AKAP12: variants seen among roughly 807,000 people sequenced by gnomAD.
The protein encoded by AKAP12 is A-kinase anchoring protein 12.
A neutral mutation model predicts 79.9 loss-of-function variants in AKAP12; 32 were observed. The observed-to-expected ratio is 0.40, with a 90% confidence interval of 0.30 to 0.54. AKAP12 has a LOEUF of 0.54. Among genes scored for constraint, AKAP12 ranks in the 20% least tolerant of loss-of-function variants. The pLI is 0.48. For missense variants in AKAP12, 2,074 were observed against 2,177.0 expected (o/e 0.95, Z 0.94); for synonymous variants, 808 against 857.0 (o/e 0.94, Z 1.00).
intron 2 of AKAP12, among the ~76,000 whole-genome samples, chr6:151,253,575 C>G (rs928790248): frequency 3.3e-5 from 5 of 152,162 alleles, no homozygotes; most frequent in African/African-American, 1.2e-4. Flanking sequence ...ATAGAAACTT[C>G]AACCTTAGGT....
chr6:151,307,120 T>C (rs1776992697), intron 3 of AKAP12, among the ~76,000 whole-genome samples: 1 of 152,056 alleles, frequency 6.6e-6, no homozygotes, highest in African/African-American at 2.4e-5. Flanking sequence ...GGAGGCTGGA[T>C]TTAGATGTGT....
intron 2 of AKAP12, among the ~76,000 whole-genome samples, chr6:151,291,020 C>T (rs1023692693): frequency 3.3e-5 from 5 of 152,328 alleles, no homozygotes; most frequent in African/African-American, 1.2e-4. Context: ...GAAACTCCCC[C>T]TCTCTGCACA....
Position 151,352,263 on chromosome 6 carries a change from G to T in AKAP12, c.3872G>T (p.Gly1291Val), listed in dbSNP as rs1427902553. 2 of 1,614,180 alleles carry T rather than the reference G, an allele frequency of 1.2e-6. No individual in the cohort carries two copies. Among genetic ancestry groups the T allele is most frequent in the Non-Finnish European group, 1.7e-6 (2 of 1,180,036 alleles). Reference protein sequence around the residue: ...FEGLEGSIDTGITVSREKVTE... With the variant: ...FEGLEGSIDTVITVSREKVTE... ...GGACTTGAGGGGTCTATAGACACAGGCATAACAGTCAGTCGGGAAAAGGTC... is the reference window on the plus strand; with the variant it reads ...GGACTTGAGGGGTCTATAGACACAGTCATAACAGTCAGTCGGGAAAAGGTC... The change falls in exon 4 of 5, where the codon GGC becomes GTC. Residue 1291 changes from glycine (G) to valine (V), a missense_variant. By Grantham distance (109) the Gly-to-Val change is moderately radical (BLOSUM62 -3). Transcript: ENST00000402676.
Position 151,352,954 on chromosome 6 carries a change from C to T in AKAP12, c.4563C>T (p.Cys1521=). 1 of 1,602,910 alleles carries T rather than the reference C, an allele frequency of 6.2e-7. No individual in the cohort carries two copies. The highest frequency in any genetic ancestry group is 8.5e-7 in the Non-Finnish European group (1 of 1,177,276). The part of the protein sequence containing the change: ...KSDEVDEQVA[C]QEVKVSVAIE... ...ATGAAGTCGATGAGCAGGTTGCTTG[C>T]CAGGAGGTCAAAGTGAGTGTAGCAA... The change falls in exon 4 of 5, where the codon TGC becomes TGT. Residue 1521 remains cysteine, a synonymous_variant. Transcript: ENST00000402676.
intron 2 of AKAP12, among the ~76,000 whole-genome samples, chr6:151,246,749 T>C (rs977247405): frequency 3.3e-5 from 5 of 152,314 alleles, no homozygotes; most frequent in Admixed American, 3.3e-4. Context: ...TCATTTTCAT[T>C]TAACTTTAAT....
chr6:151,295,345 C>G (rs1056834606), intron 2 of AKAP12, among the ~76,000 whole-genome samples: 3 of 152,166 alleles, frequency 2.0e-5, no homozygotes, highest in Non-Finnish European at 4.4e-5. Flanking sequence ...CATTCTTTCT[C>G]ATGTCTAAAG....
chr6:151,342,734 T>TATTGTTAAGCTGTACTGAACTATCA (rs1295517051), intron 3 of AKAP12, among the ~76,000 whole-genome samples: 2 of 152,192 alleles, frequency 1.3e-5, no homozygotes, highest in Non-Finnish European at 2.9e-5. Flanking sequence ...AGCATTTGAT[T>TATTGTTAAGCTGTACTGAACTATCA]ATTGTTAAGC....
chr6:151,304,417 A>G (rs1031890459), intron 2 of AKAP12, among the ~76,000 whole-genome samples: 5 of 132,482 alleles, frequency 3.8e-5, no homozygotes, highest in African/African-American at 1.4e-4. Context: ...TGAACCTGGG[A>G]ACTGGAGGTT....
chr6:151,326,756 G>T (rs1409879160), intron 3 of AKAP12, among the ~76,000 whole-genome samples: 3 of 152,030 alleles, frequency 2.0e-5, no homozygotes, highest in East Asian at 3.8e-4. Context: ...TATAGGAACA[G>T]GACTTCTTTA....
At chr6:151,295,079 A>G (rs1002572696) in intron 2 of AKAP12, among the ~76,000 whole-genome samples, 5 of 152,222 alleles carry the variant, frequency 3.3e-5, no homozygotes, top group African/African-American at 1.2e-4. Flanking sequence ...TGGTGTTGAT[A>G]CACGCAGTAT....
chr6:151,256,376 A>G (rs2114691810), intron 2 of AKAP12, among the ~76,000 whole-genome samples: 1 of 152,310 alleles, frequency 6.6e-6, no homozygotes, highest in Non-Finnish European at 1.5e-5. Context: ...AGCAATTCAG[A>G]AGGCTTTAGT....
At chr6:151,290,466 C>T (rs1281303393) in intron 2 of AKAP12, among the ~76,000 whole-genome samples, 1 of 152,116 alleles carries the variant, frequency 6.6e-6, no homozygotes, top group Non-Finnish European at 1.5e-5. Context: ...GGGTGTTACC[C>T]CAAAAATCTG....
Position 151,273,762 on chromosome 6 carries a change from G to A in AKAP12, c.163-31985G>A, listed in dbSNP as rs142273618. Among the ~76,000 whole-genome samples, 557 of 152,236 alleles carry A rather than the reference G, an allele frequency of 3.7e-3. 5 individuals are homozygous for A. Among genetic ancestry groups the A allele is most frequent in the South Asian group, 0.012 (58 of 4,822 alleles). ...AGAATGAGGCCAGTTGGGCGCAGTGGCTCACGCCTGTAATCCCAGCACTTT... is the reference window on the plus strand; with the variant it reads ...AGAATGAGGCCAGTTGGGCGCAGTGACTCACGCCTGTAATCCCAGCACTTT... On this transcript the variant is annotated intron_variant, in intron 2 of 4. Transcript: ENST00000402676.
At chr6:151,240,162 C>G (rs1796937127) in intron 1 of AKAP12, 103 bp downstream of exon 1, 2 of 168,194 alleles carry the variant, frequency 1.2e-5, no homozygotes, top group Non-Finnish European at 1.3e-5. Flanking sequence ...CCCCGCAGCT[C>G]TAGTCGCCCT....
intron 2 of AKAP12, among the ~76,000 whole-genome samples, chr6:151,256,120 A>G (rs7742218): frequency 0.59 from 89,661 of 151,988 alleles, 27,898 homozygotes; most frequent in African/African-American, 0.79. Context: ...ATGGAGATGC[A>G]CGAGAGAAAG....
At chr6:151,287,574 A>C (rs1224360774) in intron 2 of AKAP12, among the ~76,000 whole-genome samples, 1 of 152,136 alleles carries the variant, frequency 6.6e-6, no homozygotes, top group Non-Finnish European at 1.5e-5. Flanking sequence ...TTTACTTATT[A>C]ATATTTTAAA....
intron 2 of AKAP12, among the ~76,000 whole-genome samples, chr6:151,245,354 T>C (rs1797049912): frequency 6.6e-6 from 1 of 151,160 alleles, no homozygotes; most frequent in East Asian, 1.9e-4. Flanking sequence ...TTGAACCGAA[T>C]TCTTTTTTTT....
At position 151,352,598 on chromosome 6, in the gene AKAP12, G is replaced by C. The variant is rs760404984; in HGVS notation, c.4207G>C (p.Glu1403Gln). Reference sequence around the variant, plus strand: ...AAGCCCTCCTCCCTGCCTAGGTCAAGAGGAGGCAGTATGCACCAAAATTCA... The same window carrying C: ...AAGCCCTCCTCCCTGCCTAGGTCAACAGGAGGCAGTATGCACCAAAATTCA... ...EGSPPPCLGQEEAVCTKIQVQ... is the reference protein window; with the variant it reads ...EGSPPPCLGQQEAVCTKIQVQ... Residue 1403 changes from glutamate (E) to glutamine (Q), a missense_variant, in exon 4 of 5, where the codon GAG (glutamate) becomes CAG (glutamine). Glu to Gln is a conservative substitution (Grantham distance 29). This residue lies in a region of AKAP12 where 614 missense variants were observed against 665.6 expected (regional missense o/e 0.92). Coordinates refer to ENST00000402676, the MANE Select transcript of AKAP12 (RefSeq NM_005100.4). The C allele has an allele frequency of 6.2e-7, 1 of 1,614,200 alleles. No homozygotes were observed. Among genetic ancestry groups the C allele is most frequent in the South Asian group, 1.1e-5 (1 of 91,080 alleles).
intron 2 of AKAP12, among the ~76,000 whole-genome samples, chr6:151,244,564 G>A (rs1028667740): frequency 6.6e-6 from 1 of 151,972 alleles, no homozygotes; most frequent in African/African-American, 2.4e-5. Flanking sequence ...AGACAATTGA[G>A]GCGGCCAGCT....
Sources: gnomAD v4.1 joint callset for allele counts (sites outside exome capture counted in the v4.1 genomes callset) on GRCh38, gnomAD v4.1.1 for gene constraint, gnomAD v4.1.1 regional missense constraint, MANE v1.5 for transcripts, NCBI Gene and HGNC (gene_info 2026-07-23, HGNC 2026-07-21) for gene names.